Variants in ZNF37A observed in about 807,000 individuals in gnomAD.
ZNF37A encodes zinc finger protein 37a (KOX 21).
In ZNF37A, 10 loss-of-function variants were observed where a neutral mutation model predicts 12.3. The observed-to-expected ratio is 0.82, with a 90% CI of 0.50 to 1.38. The LOEUF is 1.38. ZNF37A is among the 40% of genes most tolerant of loss of function. ZNF37A has a pLI of 0.00. For missense variants in ZNF37A, 580 were observed against 651.2 expected, an observed-to-expected ratio of 0.89 and a Z score of 1.19; for synonymous variants, 207 against 223.0, an observed-to-expected ratio of 0.93 and a Z score of 0.64.
chr10:38,128,118 T>C (rs2069955216), downstream of ZNF37A, among the ~76,000 whole-genome samples: 1 of 152,096 alleles, frequency 6.6e-6, no homozygotes, highest in Admixed American at 6.5e-5. Flanking sequence ...GGAAACAAAC[T>C]GAAGAACATG....
At chr10:38,129,980 C>T (rs1022893649), downstream of ZNF37A, among the ~76,000 whole-genome samples, 4 of 152,126 alleles carry the variant, frequency 2.6e-5, no homozygotes, top group African/African-American at 9.7e-5. Flanking sequence ...ACTATCTATA[C>T]CTAAAATTTT....
At chr10:38,115,065 A>AAG in intron 6 of ZNF37A, 130 bp from the exon 7 acceptor site, 2 of 811,670 alleles carry the variant, frequency 2.5e-6, no homozygotes, top group East Asian at 2.9e-5. Context: ...GGATTAAATG[A>AAG]AGTGTGTGTG....
intron 5 of ZNF37A, among the ~76,000 whole-genome samples, chr10:38,105,007 CTT>C (rs386371223): frequency 1.1e-4 from 16 of 139,576 alleles, no homozygotes; most frequent in East Asian, 2.1e-4. Flanking sequence ...AATATTTTTT[CTT>C]TTTTTTTTTT....
At chr10:38,146,583 G>A in intron 7 of ZNF37A, 1 of 383,188 alleles carries the variant, frequency 2.6e-6, no homozygotes. Context: ...CCTGAACTGT[G>A]CAGGTCTACT....
In ZNF37A at chr10:38,115,214, A is replaced by G; in HGVS notation, c.162A>G (p.Pro54=). 1 of 1,613,862 alleles carries G rather than the reference A, an allele frequency of 6.2e-7. No homozygotes were observed. Among genetic ancestry groups the G allele is most frequent in the East Asian group, 2.2e-5 (1 of 44,846 alleles). The change falls in exon 7 of 8, where the codon CCA becomes CCG. Residue 54 remains proline (P), a synonymous_variant. Transcript: ENST00000685332. The part of the protein sequence containing the change: ...LVSVGYCIPK[P]EVILKLEKGE... The stretch of plus-strand genomic sequence containing the variant: ...TCACAGGGTATTGCATTCCTAAACC[A>G]GAAGTGATTCTCAAGTTGGAGAAAG...
At chr10:38,099,752 C>G (rs2067414498) in intron 5 of ZNF37A, among the ~76,000 whole-genome samples, 1 of 152,172 alleles carries the variant, frequency 6.6e-6, no homozygotes, top group South Asian at 2.1e-4. Context: ...GTGCAGGATT[C>G]TGATTTCTCC....
At chr10:38,131,692 T>C (rs2070029828) in intron 7 of ZNF37A, among the ~76,000 whole-genome samples, 1 of 152,196 alleles carries the variant, frequency 6.6e-6, no homozygotes, top group African/African-American at 2.4e-5. Flanking sequence ...TAGCTTTTCC[T>C]TTTCTGTTGA....
chr10:38,106,276 A>G (rs1218406318), intron 5 of ZNF37A, among the ~76,000 whole-genome samples: 10 of 152,238 alleles, frequency 6.6e-5, no homozygotes, highest in African/African-American at 1.2e-4. Context: ...AGGAAAACTA[A>G]CAAAGAGAAA....
intron 5 of ZNF37A, among the ~76,000 whole-genome samples, chr10:38,103,121 AT>A (rs1222457013): frequency 5.3e-5 from 8 of 152,020 alleles, no homozygotes; most frequent in African/African-American, 1.9e-4. Context: ...TTCTTCAGAT[AT>A]TTTTTGGTTC....
At chr10:38,114,285 T>C (rs1337979433) in intron 5 of ZNF37A, among the ~76,000 whole-genome samples, 1 of 152,218 alleles carries the variant, frequency 6.6e-6, no homozygotes, top group African/African-American at 2.4e-5. Flanking sequence ...GTTTTTCTTA[T>C]ATGTTTGCAA....
At chr10:38,132,235 G>T (rs1375838739) in intron 7 of ZNF37A, among the ~76,000 whole-genome samples, 5 of 152,026 alleles carry the variant, frequency 3.3e-5, no homozygotes, top group Non-Finnish European at 5.9e-5. Flanking sequence ...TTAGCCATGG[G>T]TCTTTCATAA....
chr10:38,141,502 A>C (rs535293698), intron 7 of ZNF37A: 12 of 152,358 alleles, frequency 7.9e-5, no homozygotes, highest in Non-Finnish European at 1.5e-4. Flanking sequence ...CATGAAAAAC[A>C]GAAAAGATTG....
intron 5 of ZNF37A, among the ~76,000 whole-genome samples, chr10:38,104,653 A>ATTGTTCTTT (rs1564919817): frequency 6.6e-6 from 1 of 152,050 alleles, no homozygotes; most frequent in Non-Finnish European, 1.5e-5. Flanking sequence ...TCCAAAGGAC[A>ATTGTTCTTT]TTGTTCTTTC....
intron 5 of ZNF37A, among the ~76,000 whole-genome samples, chr10:38,103,147 C>T (rs1264094096): frequency 7.2e-5 from 11 of 152,098 alleles, no homozygotes; most frequent in Admixed American, 2.0e-4. Context: ...TTCTCCTCTT[C>T]GTTAGTAACT....
chr10:38,128,103 C>G (rs2069955020), downstream of ZNF37A, among the ~76,000 whole-genome samples: 1 of 152,030 alleles, frequency 6.6e-6, no homozygotes, highest in Non-Finnish European at 1.5e-5. Context: ...TAGAAATTTG[C>G]TGTTGGAAAC....
chr10:38,117,945 A>G lies in ZNF37A; in HGVS notation c.794A>G (p.His265Arg), dbSNP rs775107634. 4 of 1,613,972 alleles carry G rather than the reference A, an allele frequency of 2.5e-6. No homozygotes were observed. The highest frequency in any genetic ancestry group is 2.2e-5 in the East Asian group (1 of 44,872). ...KLVLHLQQRT[H>R]TGEKPYECHE... The stretch of plus-strand genomic sequence containing the variant: ...GTCCTTCATTTACAACAGAGAACAC[A>G]TACAGGAGAAAAACCTTATGAATGT... The change falls in exon 8 of 8, where the codon CAT becomes CGT. Residue 265 changes from histidine (H) to arginine (R), a missense_variant. By Grantham distance (29) the His-to-Arg change is conservative. Transcript: ENST00000685332.
chr10:38,128,641 T>G (rs1371223633), downstream of ZNF37A, among the ~76,000 whole-genome samples: 1 of 152,220 alleles, frequency 6.6e-6, no homozygotes, highest in Non-Finnish European at 1.5e-5. Context: ...AAGATTTACA[T>G]TACATGATGT....
At position 38,121,963 on chromosome 10, in the gene ZNF37A, C is replaced by G. The variant is rs1299709212; in HGVS notation, c.*3126C>G. The G allele has an allele frequency of 6.6e-6, 1 of 152,154 alleles. No individual in the cohort carries two copies. The highest frequency in any genetic ancestry group is 1.5e-5 in the Non-Finnish European group (1 of 68,036). 9.4% of individuals were successfully genotyped at this position (152,154 alleles called of 1,614,324 possible). A position where few individuals can be genotyped will look rare whatever the true frequency, so the allele number is the denominator to read the frequency against. On this transcript the variant is annotated 3_prime_UTR_variant, in exon 8 of 8. Coordinates refer to ENST00000685332, the MANE Select transcript of ZNF37A (RefSeq NM_001324250.3). ...ACAGTAAGAAAATACTCTGGCTGGT[C>G]TCAGTGGCTCATGTCTGTAATTCTA... is the stretch of plus-strand genomic sequence containing the variant.
intron 5 of ZNF37A, among the ~76,000 whole-genome samples, chr10:38,100,970 T>C (rs2263164): frequency 0.48 from 73,189 of 151,870 alleles, 17,788 homozygotes; most frequent in East Asian, 0.54. Flanking sequence ...CCGGTCCCTC[T>C]GTTTGGGGTC....
Sources: allele counts gnomAD v4.1 joint callset (sites outside exome capture counted in the v4.1 genomes callset), GRCh38; gene constraint gnomAD v4.1.1; transcripts MANE v1.5; gene names NCBI Gene and HGNC (gene_info 2026-07-23, HGNC 2026-07-21).